Variants in GEMIN5 observed in about 807,000 individuals in gnomAD.
GEMIN5 encodes gem nuclear organelle associated protein 5, also known as gem-associated protein 5.
GEMIN5 carries 124 observed loss-of-function variants against 176.9 expected under a neutral mutation model. The observed-to-expected ratio is 0.70, with a 90% CI of 0.61 to 0.81. The LOEUF (loss-of-function observed/expected upper bound fraction) is 0.81, where lower values mean the gene tolerates loss of function less well. Among genes scored for constraint, GEMIN5 ranks in the 40% least tolerant of loss-of-function variants. The pLI is 0.00. For missense variants in GEMIN5, 1,843 were observed against 1,814.6 expected, an observed-to-expected ratio of 1.02 and a Z score of -0.28; for synonymous variants, 673 against 665.2, an observed-to-expected ratio of 1.01 and a Z score of -0.18.
intron 3 of GEMIN5, among the ~76,000 whole-genome samples, chr5:154,934,641 GC>G (rs1764230515): frequency 6.6e-6 from 1 of 152,030 alleles, no homozygotes; most frequent in African/African-American, 2.4e-5. Flanking sequence ...ATACCCGTAC[GC>G]CCCGTCTCCT....
In GEMIN5 at chr5:154,917,011, C is replaced by T. The variant is rs34227223; in HGVS notation, c.1842G>A (p.Leu614=). 1.9e-4 allele frequency: 308 copies of T among 1,582,944 alleles called. No homozygotes were observed. The highest frequency in any genetic ancestry group is 2.5e-4 in the Non-Finnish European group (295 of 1,157,234). ...AACCAAAGTTACCTATGACAGTCTT[C>T]AGGTTGTGCACGTAAATGACTGCAT... ...SNNAVIYVHN[L]KTVIESSPES... The change falls in exon 13 of 28, where the codon CTG becomes CTA. Residue 614 remains leucine, a synonymous_variant. Coordinates refer to ENST00000285873, the MANE Select transcript of GEMIN5 (RefSeq NM_015465.5).
In GEMIN5 at chr5:154,937,120, GA is replaced by G; in HGVS notation, c.231del (p.Gln78SerfsTer14). ...GAGCTGGTGGCACAGAGGTTGTACTGACCAGGGTGATGAGAAAATGTGAAGC... is the reference window on the plus strand; with the variant it reads ...GAGCTGGTGGCACAGAGGTTGTACTGCCAGGGTGATGAGAAAATGTGAAGC... Reference protein sequence around the residue: ...VSGFTFSHHPGQYNLCATSSD... With the variant: ...VSGFTFSHHPXQYNLCATSSD... On this transcript the variant is annotated frameshift_variant, in exon 2 of 28. Coordinates refer to ENST00000285873, the MANE Select transcript of GEMIN5 (RefSeq NM_015465.5). LOFTEE classifies it high-confidence loss of function. 2 of 1,613,686 alleles carry G rather than the reference GA, an allele frequency of 1.2e-6. No homozygotes were observed. Among genetic ancestry groups the G allele is most frequent in the Non-Finnish European group, 1.7e-6 (2 of 1,179,634 alleles).
At chr5:154,910,323 A>C (rs115374618) in intron 15 of GEMIN5, among the ~76,000 whole-genome samples, 11,620 of 151,952 alleles carry the variant, frequency 0.076, 506 homozygotes, top group Admixed American at 0.14. Flanking sequence ...TAAAAAAAAA[A>C]CTTATTTCAC....
rs760304695 is a variant in GEMIN5, at chr5:154,937,964, T to G, written c.166+4A>C. The stretch of plus-strand genomic sequence containing the variant: ...AAGTCTCGGGCCCAAGGGTGGTGAG[T>G]TACCTCGAAACGGGGGTGTCCCTGG... On this transcript the variant is annotated splice_donor_region_variant and intron_variant, in intron 1 of 27. Transcript: ENST00000285873. 26 of 1,570,994 alleles carry G rather than the reference T, an allele frequency of 1.7e-5. No homozygotes were observed. In the South Asian group the frequency reaches 2.3e-4, roughly 14 times the overall value.
chr5:154,916,300 T>C (rs1763807745), intron 13 of GEMIN5, among the ~76,000 whole-genome samples: 1 of 152,190 alleles, frequency 6.6e-6, no homozygotes, highest in Non-Finnish European at 1.5e-5. Context: ...ATATATTATA[T>C]ATAGCAATTT....
intron 7 of GEMIN5, among the ~76,000 whole-genome samples, chr5:154,927,174 C>T (rs553662582): frequency 2.0e-5 from 3 of 152,214 alleles, no homozygotes; most frequent in South Asian, 2.1e-4. Context: ...TTTATTATGT[C>T]TGCTTTAACA....
In GEMIN5 at chr5:154,920,048, A is replaced by G. The variant is rs375439680; in HGVS notation, c.1518T>C (p.Ile506=). 8 of 1,612,972 alleles carry G rather than the reference A, an allele frequency of 5.0e-6. No homozygotes were observed. In the African/African-American group the frequency reaches 9.3e-5, roughly 19 times the overall value. The part of the protein sequence containing the change: ...LALYSCGGEG[I]VLQHNPWKLS... Reference sequence around the variant, plus strand: ...GCTTCCAGGGATTATGCTGTAAGACAATCCCTTCTCCTCCACAGCTGTATA... The same window carrying G: ...GCTTCCAGGGATTATGCTGTAAGACGATCCCTTCTCCTCCACAGCTGTATA... Residue 506 remains isoleucine (I), a synonymous_variant, in exon 11 of 28, where the codon ATT becomes ATC. Coordinates refer to ENST00000285873, the MANE Select transcript of GEMIN5 (RefSeq NM_015465.5).
At chr5:154,917,832 C>T in intron 12 of GEMIN5, 99 bp downstream of exon 12, 1 of 795,402 alleles carries the variant, frequency 1.3e-6, no homozygotes, top group Non-Finnish European at 2.2e-6. Context: ...CCAAATACAA[C>T]TGGGCCGCCC....
Position 154,901,932 on chromosome 5 carries a change from C to T in GEMIN5, c.2867-446G>A, listed in dbSNP as rs935088770. On this transcript the variant is annotated intron_variant, in intron 20 of 27. Transcript: ENST00000285873. ...CCTCCCACCACAGCCTCCCGAGTAGCGGGGACTACAGGTACATGTCACCAT... is the reference window on the plus strand; with the variant it reads ...CCTCCCACCACAGCCTCCCGAGTAGTGGGGACTACAGGTACATGTCACCAT... Among the ~76,000 whole-genome samples the T allele has an allele frequency of 3.9e-4, 60 of 152,214 alleles. 1 individual carries two copies. The highest frequency in any genetic ancestry group is 2.4e-5 in the African/African-American group (1 of 41,530).
intron 15 of GEMIN5, 59 bp from the exon 16 acceptor site, chr5:154,907,877 A>G (rs1763604552): frequency 1.6e-6 from 2 of 1,213,728 alleles, no homozygotes; most frequent in African/African-American, 1.5e-5. Flanking sequence ...AAAGCACTCT[A>G]GGTGGTAAAC....
At chr5:154,934,594 G>A (rs1764229263) in intron 3 of GEMIN5, among the ~76,000 whole-genome samples, 1 of 152,128 alleles carries the variant, frequency 6.6e-6, no homozygotes, top group East Asian at 1.9e-4. Flanking sequence ...TTACAGGTGT[G>A]AGCCACTGCG....
chr5:154,925,863 G>T lies in GEMIN5; in HGVS notation c.1292C>A (p.Ala431Glu). The change falls in exon 8 of 28, where the codon GCG (alanine) becomes GAG (glutamate). Residue 431 changes from alanine to glutamate, a missense_variant and splice_region_variant. Transcript: ENST00000285873. ...CAAGCTCAAAAAAAGAATCCTTACC[G>T]CTGTAACCTTGGACTTCACGCCTTG... Reference protein sequence around the residue: ...FWQGVKSKVTALCWHPTKEGC... With the variant: ...FWQGVKSKVTELCWHPTKEGC... 1 of 1,577,364 alleles carries T rather than the reference G, an allele frequency of 6.3e-7. No individual in the cohort carries two copies. The highest frequency in any genetic ancestry group is 1.1e-5 in the South Asian group (1 of 89,808).
chr5:154,908,652 C>T (rs1763626233), intron 15 of GEMIN5, among the ~76,000 whole-genome samples: 1 of 152,118 alleles, frequency 6.6e-6, no homozygotes, highest in Admixed American at 6.6e-5. Flanking sequence ...GTCCAATTTC[C>T]CTCAATTTAG....
In GEMIN5 at chr5:154,896,566, T is replaced by A. The variant is rs574391735; in HGVS notation, c.3346-223A>T. ...TTTGGGGGAAATCTATCCTTAGAGCTCAAGAAACCATTTTTATAACACAGA... is the reference window on the plus strand; with the variant it reads ...TTTGGGGGAAATCTATCCTTAGAGCACAAGAAACCATTTTTATAACACAGA... On this transcript the variant is annotated intron_variant, in intron 23 of 27. Transcript: ENST00000285873. Among the ~76,000 whole-genome samples, 135 of 152,180 alleles carry A rather than the reference T, an allele frequency of 8.9e-4. 2 individuals carry two copies. The South Asian group carries it at 0.026, about 29-fold the overall frequency.
rs1460578838 is a variant in GEMIN5, at chr5:154,921,358, G to A, written c.1447C>T (p.Pro483Ser). Residue 483 changes from proline (P) to serine (S), a missense_variant, in exon 10 of 28, where the codon CCC becomes TCC. By Grantham distance (74) the Pro-to-Ser change is moderately conservative (BLOSUM62 -1). Transcript: ENST00000285873. ...AGATACTTACCAAGTGACATGGGGG[G>A]TACTGGTGGCCCCCAGGCTAAAGTA... ...VYTLAWGPPV[P>S]PMSLGGEGDR... 1.5e-6 allele frequency: 2 copies of A among 1,378,024 alleles called. No individual in the cohort carries two copies. The highest frequency in any genetic ancestry group is 1.8e-5 in the Admixed American group (1 of 56,472). The allele number at this position is 1,378,024 out of a possible 1,614,324, so 85.4% of individuals were successfully genotyped here.
At position 154,925,282 on chromosome 5, in the gene GEMIN5, ATTATTCAAGTGG is replaced by A. The variant is rs1157322753; in HGVS notation, c.1293+568_1293+579del. On this transcript the variant is annotated intron_variant, in intron 8 of 27. Coordinates refer to ENST00000285873, the MANE Select transcript of GEMIN5 (RefSeq NM_015465.5). ...TAAACTGTCCACAGTGGTTCTCTGG[ATTATTCAAGTGG>A]GGGACTGGAGTGGAGGGTAGGGTAG... 3.9e-5 allele frequency among the ~76,000 whole-genome samples: 6 copies of A among 152,324 alleles called. No homozygotes were observed. The East Asian group carries it at 9.6e-4, about 24-fold the overall frequency.
chr5:154,935,470 A>G (rs1764247583), intron 3 of GEMIN5, among the ~76,000 whole-genome samples: 1 of 152,210 alleles, frequency 6.6e-6, no homozygotes. Context: ...CACTTTCCCA[A>G]TCTAAAGGGA....
At chr5:154,933,532 T>C (rs193180838) in intron 3 of GEMIN5, among the ~76,000 whole-genome samples, 371 of 152,346 alleles carry the variant, frequency 2.4e-3, no homozygotes, top group Non-Finnish European at 4.3e-3. Context: ...CAATTTCAGG[T>C]TTGATGACTA....
intron 2 of GEMIN5, among the ~76,000 whole-genome samples, chr5:154,936,416 C>A (rs1177626744): frequency 4.7e-4 from 7 of 14,948 alleles, no homozygotes; most frequent in South Asian, 4.4e-3. Flanking sequence ...GACTCCGTCT[C>A]AAAAAAAAAA....
Sources: gnomAD v4.1 joint callset for allele counts (sites outside exome capture counted in the v4.1 genomes callset) on GRCh38, gnomAD v4.1.1 for gene constraint, MANE v1.5 for transcripts, NCBI Gene and HGNC (gene_info 2026-07-23, HGNC 2026-07-21) for gene names.